TMEM150C: variants seen among roughly 807,000 people sequenced by gnomAD.
The protein encoded by TMEM150C is tentonin 3.
In TMEM150C, 10 loss-of-function variants were observed where a neutral mutation model predicts 29.9. The ratio of observed to expected loss-of-function variants is 0.33; its 90% CI spans 0.21 to 0.57. The LOEUF (loss-of-function observed/expected upper bound fraction) is 0.57. TMEM150C is among the 20% of genes least tolerant of loss of function. The probability of loss-of-function intolerance (pLI) is 0.88; values close to 1 mark genes in which losing one functional copy is unlikely to be tolerated. For synonymous variants in TMEM150C, 101 were observed against 112.5 expected (o/e 0.90, Z 0.64); for missense variants, 251 against 303.6 (o/e 0.83, Z 1.29).
At chr4:82,551,990 C>T (rs1215233331) in intron 1 of TMEM150C, among the ~76,000 whole-genome samples, 1 of 152,096 alleles carries the variant, frequency 6.6e-6, no homozygotes, top group Admixed American at 6.5e-5. Flanking sequence ...CTCACAGTAG[C>T]AAGTTTTCAC....
At chr4:82,539,062 G>A (rs1011291954) in intron 1 of TMEM150C, among the ~76,000 whole-genome samples, 5 of 152,126 alleles carry the variant, frequency 3.3e-5, no homozygotes, top group African/African-American at 4.8e-5. Flanking sequence ...CCTAGACCCT[G>A]TCTCAAACAA....
intron 1 of TMEM150C, among the ~76,000 whole-genome samples, chr4:82,550,789 C>CAA (rs751772010): frequency 1.8e-5 from 2 of 112,104 alleles, no homozygotes; most frequent in Non-Finnish European, 3.7e-5. Flanking sequence ...GACTCCGTCT[C>CAA]AAAAAAAAAA....
chr4:82,530,872 G>C (rs974515812), intron 1 of TMEM150C, among the ~76,000 whole-genome samples: 4 of 152,170 alleles, frequency 2.6e-5, no homozygotes, highest in Non-Finnish European at 5.9e-5. Context: ...GTCTTACATG[G>C]CCGGAGCAAG....
chr4:82,511,472 A>ATTTTTTTTTTT lies in TMEM150C; in HGVS notation c.-10-6816_-10-6806dup, dbSNP rs397935719. 1.0e-3 allele frequency among the ~76,000 whole-genome samples: 111 copies of ATTTTTTTTTTT among 106,334 alleles called. 4 individuals carry two copies. The highest frequency in any genetic ancestry group is 2.1e-3 in the Admixed American group (18 of 8,464). 69.8% of individuals were successfully genotyped at this position (106,334 alleles called of 152,430 possible). A position where few individuals can be genotyped will look rare whatever the true frequency, so the allele number is the denominator to read the frequency against. ...CAATGGAGCACATTGTCCCAACACT[A>ATTTTTTTTTTT]TTTTTTTTTTTTTTTTTTTTGAGAT... On this transcript the variant is annotated intron_variant, in intron 1 of 7. Coordinates refer to ENST00000449862, the MANE Select transcript of TMEM150C (RefSeq NM_001080506.3).
chr4:82,531,643 T>C (rs2110083114), intron 1 of TMEM150C, among the ~76,000 whole-genome samples: 2 of 149,752 alleles, frequency 1.3e-5, no homozygotes, highest in East Asian at 3.9e-4. Flanking sequence ...TAATCCCAGG[T>C]ACGTGGGAGG....
At chr4:82,523,964 G>A (rs986217306) in intron 1 of TMEM150C, among the ~76,000 whole-genome samples, 4 of 151,782 alleles carry the variant, frequency 2.6e-5, no homozygotes, top group African/African-American at 9.7e-5. Flanking sequence ...TTACAGGTGT[G>A]AGCCACTACA....
At chr4:82,492,546 A>G (rs1327757990) in intron 6 of TMEM150C, among the ~76,000 whole-genome samples, 1 of 151,970 alleles carries the variant, frequency 6.6e-6, no homozygotes, top group Non-Finnish European at 1.5e-5. Context: ...GTACTTGAAG[A>G]TTCATACTCA....
chr4:82,509,487 G>A (rs1420817349), intron 1 of TMEM150C, among the ~76,000 whole-genome samples: 7 of 151,914 alleles, frequency 4.6e-5, no homozygotes, highest in Non-Finnish European at 1.0e-4. Flanking sequence ...GGTTTGAAAA[G>A]GGGGTCTTTA....
At chr4:82,507,923 T>C (rs1253995713) in intron 1 of TMEM150C, among the ~76,000 whole-genome samples, 4 of 151,692 alleles carry the variant, frequency 2.6e-5, no homozygotes, top group African/African-American at 9.7e-5. Context: ...ATTTTTTGTA[T>C]TTTTTGTAGA....
chr4:82,523,373 G>A (rs1047452917), intron 1 of TMEM150C, among the ~76,000 whole-genome samples: 2 of 152,150 alleles, frequency 1.3e-5, no homozygotes, highest in Admixed American at 6.5e-5. Context: ...TGTCACTTAC[G>A]TAGCCCTGCG....
intron 5 of TMEM150C, among the ~76,000 whole-genome samples, chr4:82,501,789 C>T (rs987677515): frequency 1.2e-4 from 18 of 152,106 alleles, no homozygotes; most frequent in Admixed American, 3.9e-4. Context: ...ACATTAAGAG[C>T]GAGTAGGAAT....
intron 1 of TMEM150C, among the ~76,000 whole-genome samples, chr4:82,512,994 G>A (rs187832721): frequency 6.6e-6 from 1 of 152,316 alleles, no homozygotes; most frequent in African/African-American, 2.4e-5. Context: ...TTGGGGAAGG[G>A]GCAGCTGTGG....
At chr4:82,552,433 C>A (rs1725610259) in intron 1 of TMEM150C, among the ~76,000 whole-genome samples, 1 of 152,074 alleles carries the variant, frequency 6.6e-6, no homozygotes, top group Non-Finnish European at 1.5e-5. Context: ...GCTAGAGAAA[C>A]CAGGTGGGAA....
At chr4:82,561,121 A>G (rs554911907) in intron 1 of TMEM150C, among the ~76,000 whole-genome samples, 65 of 152,320 alleles carry the variant, frequency 4.3e-4, no homozygotes, top group African/African-American at 1.5e-3. Context: ...AAAAAGGAGC[A>G]TGAATTTAAA....
At chr4:82,494,938 T>C (rs1723491028) in intron 6 of TMEM150C, 1 of 579,886 alleles carries the variant, frequency 1.7e-6, no homozygotes. Context: ...GCCTCCTTCA[T>C]TCTCTTGGCC....
chr4:82,545,445 T>A (rs1725345790), intron 1 of TMEM150C, among the ~76,000 whole-genome samples: 4 of 152,176 alleles, frequency 2.6e-5, no homozygotes, highest in Admixed American at 2.6e-4. Flanking sequence ...TTATACTGAA[T>A]GGGCAAAACC....
At chr4:82,490,287 G>A (rs773813163) in intron 6 of TMEM150C, 49 bp from the exon 7 acceptor site, 25 of 1,543,500 alleles carry the variant, frequency 1.6e-5, no homozygotes, top group African/African-American at 1.4e-4. Context: ...CAGCAAAGAA[G>A]ACAGGCAAGT....
intron 6 of TMEM150C, chr4:82,495,164 C>T (rs1723502797): frequency 2.4e-6 from 1 of 414,204 alleles, no homozygotes; most frequent in Non-Finnish European, 4.3e-6. Flanking sequence ...AAAGTTTGAC[C>T]AGGCGCGGTG....
chr4:82,559,211 G>A (rs1725838297), intron 1 of TMEM150C, among the ~76,000 whole-genome samples: 1 of 152,042 alleles, frequency 6.6e-6, no homozygotes, highest in Non-Finnish European at 1.5e-5. Context: ...CAGCCTTGTT[G>A]CTCACACAAA....
Sources: gnomAD v4.1 joint callset for allele counts (sites outside exome capture counted in the v4.1 genomes callset) on GRCh38, gnomAD v4.1.1 for gene constraint, MANE v1.5 for transcripts, NCBI Gene and HGNC (gene_info 2026-07-23, HGNC 2026-07-21) for gene names.